CDK7: variants seen among roughly 807,000 people sequenced by gnomAD.
CDK7 encodes the protein cyclin dependent kinase 7.
In CDK7, 25 loss-of-function variants were observed where a neutral mutation model predicts 49.1. That is an observed-to-expected ratio of 0.51 (90% CI 0.37 to 0.71). CDK7 has a LOEUF of 0.71. Among genes scored for constraint, CDK7 ranks in the 30% least tolerant of loss-of-function variants. The pLI is 0.00. For synonymous variants in CDK7, 107 were observed against 140.0 expected (o/e 0.76, Z 1.67); for missense variants, 316 against 411.7 (o/e 0.77, Z 2.01).
rs778386185 is a variant in CDK7, at chr5:69,252,434, G to C, written c.143G>C (p.Arg48Thr). 2 of 1,503,104 alleles carry C rather than the reference G, an allele frequency of 1.3e-6. No individual in the cohort carries two copies. The highest frequency in any genetic ancestry group is 1.8e-6 in the Non-Finnish European group (2 of 1,115,690). The allele number at this position is 1,503,104 out of a possible 1,614,324, so 93.1% of individuals were successfully genotyped here. ...VAIKKIKLGH[R>T]SEAKDGINRT... The stretch of plus-strand genomic sequence containing the variant: ...TTCTACCAGATCAAACTTGGACATA[G>C]ATCAGAAGCTAAAGATGGTAAGTAT... The change falls in exon 3 of 12, where the codon AGA (arginine) becomes ACA (threonine). Residue 48 changes from arginine to threonine, a missense_variant. Coordinates refer to ENST00000256443, the MANE Select transcript of CDK7 (RefSeq NM_001799.4).
chr5:69,246,924 T>C (rs35105075), intron 2 of CDK7, among the ~76,000 whole-genome samples: 3,957 of 152,326 alleles, frequency 0.026, 67 homozygotes, highest in Non-Finnish European at 0.038. Context: ...CCTCTTGTTA[T>C]TGATTTCTGG....
At chr5:69,265,444 A>C (rs912106206) in intron 8 of CDK7, among the ~76,000 whole-genome samples, 1 of 152,132 alleles carries the variant, frequency 6.6e-6, no homozygotes, top group South Asian at 2.1e-4. Flanking sequence ...AGCAGCATAC[A>C]TAGAAAAGAA....
Position 69,235,021 on chromosome 5 carries a change from G to C in CDK7, c.46G>C (p.Asp16His). Residue 16 changes from aspartate to histidine, a missense_variant, in exon 1 of 12, where the codon GAC (aspartate) becomes CAC (histidine). By Grantham distance (81) the Asp-to-His change is moderately conservative. Transcript: ENST00000256443. ...TCGGGCAAAGCGTTATGAGAAGCTGGACTTCCTTGGGGAGGGACAGGTGAG... is the reference window on the plus strand; with the variant it reads ...TCGGGCAAAGCGTTATGAGAAGCTGCACTTCCTTGGGGAGGGACAGGTGAG... ...KSRAKRYEKL[D>H]FLGEGQFATV... 1.2e-6 allele frequency: 2 copies of C among 1,603,908 alleles called. No homozygotes were observed. Among genetic ancestry groups the C allele is most frequent in the Non-Finnish European group, 1.7e-6 (2 of 1,175,556 alleles).
chr5:69,263,078 C>T (rs771979383), intron 8 of CDK7, among the ~76,000 whole-genome samples: 3 of 152,162 alleles, frequency 2.0e-5, no homozygotes, highest in African/African-American at 4.8e-5. Flanking sequence ...GTTACTATAG[C>T]ATTTCTGTGA....
In CDK7 at chr5:69,262,304, G is replaced by A. The variant is rs1750879202; in HGVS notation, c.627G>A (p.Arg209=). The A allele has an allele frequency of 2.5e-6, 4 of 1,613,860 alleles. No homozygotes were observed. The Admixed American group carries it at 5.0e-5, about 20-fold the overall frequency. ...GTATATTAGCAGAGTTACTTCTAAGGGTAAGTCTAAATTAATGTACGCACT... is the reference window on the plus strand; with the variant it reads ...GTATATTAGCAGAGTTACTTCTAAGAGTAAGTCTAAATTAATGTACGCACT... The part of the protein sequence containing the change: ...VGCILAELLL[R]VPFLPGDSDL... The change falls in exon 8 of 12, where the codon AGG becomes AGA. Residue 209 remains arginine, a splice_region_variant and synonymous_variant. Coordinates refer to ENST00000256443, the MANE Select transcript of CDK7 (RefSeq NM_001799.4).
intron 9 of CDK7, among the ~76,000 whole-genome samples, chr5:69,272,407 C>T (rs868835382): frequency 6.6e-6 from 1 of 152,032 alleles, no homozygotes; most frequent in African/African-American, 2.4e-5. Context: ...AATAATTGGT[C>T]CTATATCTAA....
chr5:69,236,954 CTTTTTTTT>C (rs4053029), intron 2 of CDK7, among the ~76,000 whole-genome samples: 27 of 84,268 alleles, frequency 3.2e-4, no homozygotes, highest in East Asian at 1.1e-3. Context: ...GCCTGGCCTT[CTTTTTTTT>C]TTTTTTTTTT....
At chr5:69,259,143 G>A (rs551140599) in intron 6 of CDK7, among the ~76,000 whole-genome samples, 2 of 151,872 alleles carry the variant, frequency 1.3e-5, no homozygotes, top group East Asian at 3.9e-4. Context: ...CAATGTTGTT[G>A]TGGGGAAAAA....
intron 7 of CDK7, among the ~76,000 whole-genome samples, chr5:69,260,816 A>G (rs1196563165): frequency 6.6e-6 from 1 of 151,922 alleles, no homozygotes; most frequent in Non-Finnish European, 1.5e-5. Flanking sequence ...CAAATTCTGT[A>G]TTTTTTCTTT....
At chr5:69,235,518 T>C (rs1254562971) in intron 2 of CDK7, 65 bp downstream of exon 2, 6 of 1,055,768 alleles carry the variant, frequency 5.7e-6, no homozygotes, top group South Asian at 1.3e-5. Flanking sequence ...AATTGACTGA[T>C]AGCCATTTTA....
intron 4 of CDK7, 43 bp downstream of exon 4, chr5:69,254,712 T>C: frequency 9.8e-7 from 1 of 1,017,920 alleles, no homozygotes; most frequent in Non-Finnish European, 1.6e-6. Flanking sequence ...GGACTCTGCC[T>C]TTTCTTAATA....
intron 9 of CDK7, among the ~76,000 whole-genome samples, chr5:69,272,011 G>A (rs1463532293): frequency 6.6e-6 from 1 of 151,052 alleles, no homozygotes; most frequent in Non-Finnish European, 1.5e-5. Flanking sequence ...GGCTGGTCTC[G>A]AACTCCTGAG....
intron 9 of CDK7, among the ~76,000 whole-genome samples, chr5:69,272,673 A>C (rs1751688578): frequency 1.3e-5 from 2 of 151,788 alleles, no homozygotes; most frequent in African/African-American, 4.8e-5. Flanking sequence ...TTTAATTTTG[A>C]TGTCCACATA....
intron 2 of CDK7, among the ~76,000 whole-genome samples, chr5:69,251,257 C>T (rs2150200154): frequency 6.6e-6 from 1 of 152,232 alleles, no homozygotes; most frequent in East Asian, 1.9e-4. Flanking sequence ...GCCACCATGC[C>T]TGGCTAATTT....
chr5:69,250,721 C>A (rs557119722), intron 2 of CDK7: 6 of 456,524 alleles, frequency 1.3e-5, no homozygotes, highest in African/African-American at 1.2e-4. Context: ...CTCCTTTACT[C>A]TTCCCTCTCA....
intron 8 of CDK7, among the ~76,000 whole-genome samples, chr5:69,263,226 G>A (rs1750946572): frequency 6.6e-6 from 1 of 151,548 alleles, no homozygotes; most frequent in South Asian, 2.1e-4. Context: ...TGAAGGTAAA[G>A]GGATACAGGG....
At chr5:69,250,532 C>T (rs897918198) in intron 2 of CDK7, among the ~76,000 whole-genome samples, 3 of 152,052 alleles carry the variant, frequency 2.0e-5, no homozygotes, top group Admixed American at 6.6e-5. Context: ...CCTCAGTCAG[C>T]TTATGCTGGA....
intron 2 of CDK7, among the ~76,000 whole-genome samples, chr5:69,249,679 T>C (rs980708883): frequency 6.6e-6 from 1 of 152,192 alleles, no homozygotes; most frequent in Non-Finnish European, 1.5e-5. Flanking sequence ...AAGCCTCGTC[T>C]CTACTAAAAA....
At chr5:69,240,514 AGT>A (rs1041795777) in intron 2 of CDK7, among the ~76,000 whole-genome samples, 4 of 152,232 alleles carry the variant, frequency 2.6e-5, no homozygotes, top group African/African-American at 9.6e-5. Flanking sequence ...GAATGAAGTA[AGT>A]GTGGCAAAAT....
Sources: gnomAD v4.1 joint callset for allele counts (sites outside exome capture counted in the v4.1 genomes callset) on GRCh38, gnomAD v4.1.1 for gene constraint, MANE v1.5 for transcripts, NCBI Gene and HGNC (gene_info 2026-07-23, HGNC 2026-07-21) for gene names.